Variants in NR5A2 observed in about 807,000 individuals in gnomAD.
The protein encoded by NR5A2 is nuclear receptor subfamily 5 group A member 2.
In NR5A2, 26 loss-of-function variants were observed where a neutral mutation model predicts 62.7. The ratio of observed to expected loss-of-function variants is 0.41; its 90% CI spans 0.30 to 0.58. The LOEUF (loss-of-function observed/expected upper bound fraction) is 0.58. NR5A2 is among the 20% of genes least tolerant of loss of function. NR5A2 has a pLI of 0.22. For missense variants in NR5A2, 541 were observed against 669.1 expected (o/e 0.81, Z 2.11); for synonymous variants, 246 against 241.7 (o/e 1.02, Z -0.16).
At chr1:200,091,560 C>T (rs1044476864) in intron 5 of NR5A2, among the ~76,000 whole-genome samples, 10 of 150,570 alleles carry the variant, frequency 6.6e-5, no homozygotes, top group Non-Finnish European at 5.9e-5. Flanking sequence ...TCTCGGCTCA[C>T]TGCAACCTCT....
chr1:200,122,236 T>G (rs1214261492), intron 7 of NR5A2, among the ~76,000 whole-genome samples: 1 of 152,080 alleles, frequency 6.6e-6, no homozygotes, highest in Non-Finnish European at 1.5e-5. Flanking sequence ...CCGAGAACAG[T>G]GTTTAGAATG....
chr1:200,095,579 G>A (rs1328185368), intron 5 of NR5A2, among the ~76,000 whole-genome samples: 1 of 150,920 alleles, frequency 6.6e-6, no homozygotes, highest in Non-Finnish European at 1.5e-5. Context: ...TTGAGATGGA[G>A]TCTCACACTC....
At chr1:200,036,125 C>A (rs181962364) in intron 1 of NR5A2, among the ~76,000 whole-genome samples, 7 of 152,326 alleles carry the variant, frequency 4.6e-5, no homozygotes, top group Admixed American at 3.3e-4. Context: ...GTGCAGACCA[C>A]CGCTGGCGCC....
In NR5A2 at chr1:200,027,824, G is replaced by T. The variant is rs1163431218; in HGVS notation, c.-24G>T. The stretch of plus-strand genomic sequence containing the variant: ...TCAATGATTTCTGCTTTAAGCCAAA[G>T]AACTGCCTATAATTTCACTAAGAAT... On this transcript the variant is annotated 5_prime_UTR_variant, in exon 1 of 8. Transcript: ENST00000367362. 4.5e-6 allele frequency: 7 copies of T among 1,567,772 alleles called. No individual in the cohort carries two copies. Among genetic ancestry groups the T allele is most frequent in the Non-Finnish European group, 6.1e-6 (7 of 1,153,000 alleles).
In NR5A2 at chr1:200,051,239, T is replaced by C. The variant is rs74476952; in HGVS notation, c.1110+2421T>C. On this transcript the variant is annotated intron_variant, in intron 5 of 7. Coordinates refer to ENST00000367362, the MANE Select transcript of NR5A2 (RefSeq NM_205860.3). Reference sequence around the variant, plus strand: ...CAGCCGCAGAGAATAAAAATATATTTTACAAATCAACAAGGAAAGAAATAA... The same window carrying C: ...CAGCCGCAGAGAATAAAAATATATTCTACAAATCAACAAGGAAAGAAATAA... Among the ~76,000 whole-genome samples the C allele has an allele frequency of 1.5e-3, 233 of 152,188 alleles. 6 individuals carry two copies. The East Asian group carries it at 0.037, about 24-fold the overall frequency.
intron 5 of NR5A2, among the ~76,000 whole-genome samples, chr1:200,106,890 C>G (rs1665701961): frequency 6.6e-6 from 1 of 152,134 alleles, no homozygotes; most frequent in Non-Finnish European, 1.5e-5. Context: ...TTATCCAAAG[C>G]ACCATGAAGC....
intron 7 of NR5A2, among the ~76,000 whole-genome samples, chr1:200,172,825 T>A (rs1654242106): frequency 6.6e-6 from 1 of 152,218 alleles, no homozygotes; most frequent in African/African-American, 2.4e-5. Context: ...ATCCTTTTAG[T>A]CATAGTACTG....
intron 7 of NR5A2, among the ~76,000 whole-genome samples, chr1:200,156,761 T>A (rs1293789131): frequency 6.6e-6 from 1 of 152,230 alleles, no homozygotes; most frequent in African/African-American, 2.4e-5. Context: ...CACTTTATTA[T>A]AAAATAAGTT....
Position 200,038,153 on chromosome 1 carries a change from G to A in NR5A2, c.65-1505G>A, listed in dbSNP as rs866836264. ...TGAAGATGCGGCTGGGCTGGTGGTCGAAGAGCTTGCGTAACAGATGGTTCT... is the reference window on the plus strand; with the variant it reads ...TGAAGATGCGGCTGGGCTGGTGGTCAAAGAGCTTGCGTAACAGATGGTTCT... On this transcript the variant is annotated intron_variant, in intron 1 of 7. Coordinates refer to ENST00000367362, the MANE Select transcript of NR5A2 (RefSeq NM_205860.3). 5.8e-4 allele frequency among the ~76,000 whole-genome samples: 89 copies of A among 152,308 alleles called. 1 individual carries two copies. Among genetic ancestry groups the A allele is most frequent in the African/African-American group, 1.8e-3 (75 of 41,556 alleles).
At position 200,048,167 on chromosome 1, in the gene NR5A2, A is replaced by G; in HGVS notation, c.464-5A>G. 5.9e-6 allele frequency: 6 copies of G among 1,023,176 alleles called. No individual in the cohort carries two copies. Among genetic ancestry groups the G allele is most frequent in the Non-Finnish European group, 8.7e-6 (6 of 690,784 alleles). The allele number at this position is 1,023,176 out of a possible 1,614,324, so 63.4% of individuals were successfully genotyped here. ...CCTTCCTTCCCCCCACCCCACCCCCAACAGCTGTAAGGGCCGACCGAATGC... is the reference window on the plus strand; with the variant it reads ...CCTTCCTTCCCCCCACCCCACCCCCGACAGCTGTAAGGGCCGACCGAATGC... On this transcript the variant is annotated splice_region_variant and splice_polypyrimidine_tract_variant and intron_variant, in intron 4 of 7. Coordinates refer to ENST00000367362, the MANE Select transcript of NR5A2 (RefSeq NM_205860.3). This position sits in a 1 kb window ranked among gnomAD's most constrained non-coding sequence, Gnocchi z 4.8.
intron 6 of NR5A2, among the ~76,000 whole-genome samples, chr1:200,119,159 A>G (rs12408975): frequency 0.081 from 12,392 of 152,226 alleles, 671 homozygotes; most frequent in Non-Finnish European, 0.12. Flanking sequence ...CTGTACACCC[A>G]GTATTCTCTA....
At chr1:200,057,520 C>A in intron 5 of NR5A2, 1 of 256,132 alleles carries the variant, frequency 3.9e-6, no homozygotes, top group East Asian at 1.6e-4. Context: ...ACTCTGTCGC[C>A]CAGTCTGGAG....
chr1:200,060,899 C>T (rs564050511), intron 5 of NR5A2, among the ~76,000 whole-genome samples: 6 of 141,056 alleles, frequency 4.3e-5, no homozygotes, highest in Non-Finnish European at 6.0e-5. Flanking sequence ...GTCAGGAGTT[C>T]GAGACCATCC....
At position 200,039,616 on chromosome 1, in the gene NR5A2, CCTT is replaced by C. The variant is rs1661959699; in HGVS notation, c.65-38_65-36del. 2 of 1,607,202 alleles carry C rather than the reference CCTT, an allele frequency of 1.2e-6. No homozygotes were observed. Among genetic ancestry groups the C allele is most frequent in the Non-Finnish European group, 8.5e-7 (1 of 1,177,230 alleles). ...TTAGCAGGCATCCCGGTCGCCCCTT[CCTT>C]CTTTTCGCCGGAGTTGAATCTGTGC... On this transcript the variant is annotated intron_variant, in intron 1 of 7. Transcript: ENST00000367362. The surrounding 1 kb of genome is among the most constrained non-coding windows in gnomAD (Gnocchi z 5.1).
At chr1:200,070,887 A>G (rs1233524859) in intron 5 of NR5A2, among the ~76,000 whole-genome samples, 1 of 152,052 alleles carries the variant, frequency 6.6e-6, no homozygotes, top group African/African-American at 2.4e-5. Context: ...TTCAGTTTAT[A>G]TGTGCAGGCT....
intron 5 of NR5A2, among the ~76,000 whole-genome samples, chr1:200,087,475 A>G (rs562391166): frequency 6.6e-6 from 1 of 151,676 alleles, no homozygotes; most frequent in Non-Finnish European, 1.5e-5. Flanking sequence ...GCTCACTGCA[A>G]CCTCCGCCTC....
At chr1:200,150,501 C>T (rs948498683) in intron 7 of NR5A2, among the ~76,000 whole-genome samples, 5 of 152,142 alleles carry the variant, frequency 3.3e-5, no homozygotes, top group African/African-American at 2.4e-5. Context: ...GGAAGAGCTT[C>T]AAACAATGCT....
intron 7 of NR5A2, among the ~76,000 whole-genome samples, chr1:200,133,537 A>AC (rs200904090): frequency 1.9e-3 from 107 of 55,116 alleles, no homozygotes; most frequent in African/African-American, 4.8e-3. Context: ...ACACACACAT[A>AC]TATATATATA....
chr1:200,156,964 T>C (rs1173556835), intron 7 of NR5A2, among the ~76,000 whole-genome samples: 1 of 152,184 alleles, frequency 6.6e-6, no homozygotes, highest in East Asian at 1.9e-4. Context: ...GCCGACATCT[T>C]AACAGAGCCG....
Sources: allele counts gnomAD v4.1 joint callset (sites outside exome capture counted in the v4.1 genomes callset), GRCh38; gene constraint gnomAD v4.1.1; non-coding constraint Gnocchi (gnomAD v3.1); transcripts MANE v1.5; gene names NCBI Gene and HGNC (gene_info 2026-07-23, HGNC 2026-07-21).